The following IL4I1 variants were observed in gnomAD, a reference collection of about 807,000 sequenced individuals.
The protein encoded by IL4I1 is interleukin 4 induced 1.
A neutral mutation model predicts 29.7 loss-of-function variants in IL4I1; 24 were observed. The ratio of observed to expected loss-of-function variants is 0.81; its 90% CI spans 0.59 to 1.14. The LOEUF is 1.14. Ranked by LOEUF, IL4I1 falls within the 50% of genes most tolerant of loss-of-function variation. IL4I1 has a pLI of 0.00. For missense variants in IL4I1, 686 were observed against 785.6 expected (o/e 0.87, Z 1.52); for synonymous variants, 371 against 352.5 (o/e 1.05, Z -0.59).
At chr19:49,893,806 G>A (rs2075168761) in intron 5 of IL4I1, among the ~76,000 whole-genome samples, 2 of 151,758 alleles carry the variant, frequency 1.3e-5, no homozygotes, top group South Asian at 4.2e-4. Context: ...GGCCAAGATG[G>A]TGAAACCCCG....
At chr19:49,891,550 G>A (rs2075139487) in intron 5 of IL4I1, 77 bp from the exon 6 acceptor site, 1 of 1,312,392 alleles carries the variant, frequency 7.6e-7, no homozygotes, top group East Asian at 2.3e-5. Flanking sequence ...GCCCACACTC[G>A]GCTTCTCCTC....
chr19:49,897,214 CCTT>C (rs1458691686), upstream of IL4I1, among the ~76,000 whole-genome samples: 4 of 152,210 alleles, frequency 2.6e-5, no homozygotes, highest in African/African-American at 9.7e-5. Flanking sequence ...CTCTCTGCCT[CCTT>C]GATTCCCACG....
Position 49,909,259 on chromosome 19 carries a change from C to T in IL4I1, c.-227-4938G>A, listed in dbSNP as rs1984656. 0.013 allele frequency: 20,962 copies of T among 1,613,954 alleles called. 205 individuals carry two copies. Among genetic ancestry groups the T allele is most frequent in the African/African-American group, 0.046 (3,477 of 74,948 alleles). ...GAGTGAAGGGCAACGTGGCAGGTGC[C>T]GTGGGCTGGGCTGAATTCCCTGCTG... On this transcript the variant is annotated intron_variant, in intron 2 of 9. Coordinates refer to the IL4I1 transcript ENST00000341114.
chr19:49,897,907 C>G (rs183544882), upstream of IL4I1, among the ~76,000 whole-genome samples: 7 of 151,352 alleles, frequency 4.6e-5, no homozygotes, highest in Non-Finnish European at 7.4e-5. Flanking sequence ...CGGTTATGGC[C>G]GGGAGGGGCT....
chr19:49,912,283 C>T (rs1053582199), intron 2 of IL4I1, among the ~76,000 whole-genome samples: 11 of 151,722 alleles, frequency 7.3e-5, no homozygotes, highest in African/African-American at 2.4e-4. Context: ...GATTCTCTCG[C>T]CTCAGCTTCC....
At position 49,909,236 on chromosome 19, in the gene IL4I1, G is replaced by C. The variant is rs1385258440; in HGVS notation, c.-227-4915C>G. 1.2e-6 allele frequency: 2 copies of C among 1,614,176 alleles called. No homozygotes were observed. Among genetic ancestry groups the C allele is most frequent in the Middle Eastern group, 1.6e-4 (1 of 6,062 alleles). On this transcript the variant is annotated intron_variant, in intron 2 of 9. Coordinates refer to the IL4I1 transcript ENST00000341114. ...TGTGGTGGCTGCTGGCGTGGCCGGA[G>C]TGAAGGGCAACGTGGCAGGTGCCGT...
In IL4I1 at chr19:49,895,816, T is replaced by C; in HGVS notation, c.251A>G (p.Lys84Arg). ...AAKVLSDAGH[K>R]VTILEADNRI... Reference sequence around the variant, plus strand: ...TAGACTGCAAGCAGTGCTTCCCACCTTGTGTCCAGCATCGCTGAGCACCTT... The same window carrying C: ...TAGACTGCAAGCAGTGCTTCCCACCCTGTGTCCAGCATCGCTGAGCACCTT... The change falls in exon 3 of 8, where the codon AAG becomes AGG. Residue 84 changes from lysine (K) to arginine (R), a missense_variant and splice_region_variant. Physicochemically the swap from Lys to Arg is conservative, Grantham distance 26. Transcript: ENST00000391826. 4 of 1,499,808 alleles carry C rather than the reference T, an allele frequency of 2.7e-6. No homozygotes were observed. The highest frequency in any genetic ancestry group is 3.6e-6 in the Non-Finnish European group (4 of 1,106,548). The allele number at this position is 1,499,808 out of a possible 1,614,324, so 92.9% of individuals were successfully genotyped here.
chr19:49,923,779 C>G (rs887506792), intron 2 of IL4I1, among the ~76,000 whole-genome samples: 2 of 152,250 alleles, frequency 1.3e-5, no homozygotes, highest in African/African-American at 2.4e-5. Context: ...GAGGATGCCA[C>G]TTGCTGAGGG....
intron 2 of IL4I1, among the ~76,000 whole-genome samples, chr19:49,924,407 C>A (rs970501554): frequency 6.6e-6 from 1 of 152,160 alleles, no homozygotes; most frequent in East Asian, 1.9e-4. Context: ...CTCTGCTAAC[C>A]GGGAGCGGTT....
At chr19:49,928,481 C>G (rs1167306661) in intron 1 of IL4I1, 1 of 150,662 alleles carries the variant, frequency 6.6e-6, no homozygotes, top group East Asian at 2.0e-4. Flanking sequence ...CGCGCCACTG[C>G]ACTCCAGCCT....
intron 3 of IL4I1, among the ~76,000 whole-genome samples, chr19:49,903,060 A>C (rs767669675): frequency 6.6e-6 from 1 of 152,046 alleles, no homozygotes; most frequent in Non-Finnish European, 1.5e-5. Flanking sequence ...GATTGCAGTG[A>C]GCCGAGATCA....
chr19:49,891,357 G>A (rs1438453980), intron 6 of IL4I1, 48 bp downstream of exon 6: 7 of 1,588,542 alleles, frequency 4.4e-6, no homozygotes, highest in African/African-American at 2.7e-5. Flanking sequence ...AGGCCTCATG[G>A]TCACTCTCTT....
Position 49,891,251 on chromosome 19 carries a change from G to T in IL4I1, c.637-144C>A, listed in dbSNP as rs985006932. On this transcript the variant is annotated intron_variant, in intron 6 of 7. Coordinates refer to ENST00000391826, the MANE Select transcript of IL4I1 (RefSeq NM_152899.2). ...CACTCTCTGACAGATGAGGGAAACGGAGGTCCAGACAGGGGGCGTGTCCAG... is the reference window on the plus strand; with the variant it reads ...CACTCTCTGACAGATGAGGGAAACGTAGGTCCAGACAGGGGGCGTGTCCAG... 7 of 1,434,664 alleles carry T rather than the reference G, an allele frequency of 4.9e-6. No individual in the cohort carries two copies. In the African/African-American group the frequency reaches 9.9e-5, roughly 20 times the overall value. The allele number at this position is 1,434,664 out of a possible 1,614,324, so 88.9% of individuals were successfully genotyped here. A position where few individuals can be genotyped will look rare whatever the true frequency, so the allele number is the denominator to read the frequency against.
At chr19:49,927,095 A>C (rs1212231655) in intron 2 of IL4I1, among the ~76,000 whole-genome samples, 1 of 152,020 alleles carries the variant, frequency 6.6e-6, no homozygotes, top group Non-Finnish European at 1.5e-5. Context: ...TCCTGAGATC[A>C]AGCAATCTGC....
At chr19:49,914,652 T>G (rs1054535007) in intron 2 of IL4I1, among the ~76,000 whole-genome samples, 1 of 151,432 alleles carries the variant, frequency 6.6e-6, no homozygotes, top group Non-Finnish European at 1.5e-5. Flanking sequence ...CAGGGTTCTT[T>G]GCTGTCACCC....
intron 2 of IL4I1, among the ~76,000 whole-genome samples, chr19:49,910,784 G>A (rs2075444332): frequency 6.6e-6 from 1 of 152,196 alleles, no homozygotes; most frequent in South Asian, 2.1e-4. Flanking sequence ...TTTCCATTCA[G>A]TTCAAACTGA....
Position 49,889,796 on chromosome 19 carries a change from C to G in IL4I1, c.1578G>C (p.Gly526=). 1.3e-6 allele frequency: 2 copies of G among 1,541,698 alleles called. No individual in the cohort carries two copies. Among genetic ancestry groups the G allele is most frequent in the South Asian group, 1.2e-5 (1 of 80,558 alleles). The change falls in exon 8 of 8, where the codon GGG becomes GGC. Residue 526 remains glycine (G), a synonymous_variant. Coordinates refer to ENST00000391826, the MANE Select transcript of IL4I1 (RefSeq NM_152899.2). ...TGGCCACCCCATGCACATGCCCCTG[C>G]CCCTCCATGTCAGATGCGTGCCCCT... ...SPEGHASDME[G]QGHVHGVASS... is the part of the protein sequence containing the mutation.
chr19:49,913,031 C>T (rs1423868610), intron 2 of IL4I1: 1 of 152,348 alleles, frequency 6.6e-6, no homozygotes, highest in African/African-American at 2.4e-5. Context: ...AACCAGGGCT[C>T]AGGGCAGGCA....
intron 2 of IL4I1, among the ~76,000 whole-genome samples, chr19:49,923,116 G>C (rs1483245170): frequency 1.3e-5 from 2 of 152,124 alleles, no homozygotes; most frequent in African/African-American, 4.8e-5. Flanking sequence ...CTACTGAAGG[G>C]ACAAGGGCAG....
Sources: allele counts gnomAD v4.1 joint callset (sites outside exome capture counted in the v4.1 genomes callset), GRCh38; gene constraint gnomAD v4.1.1; transcripts MANE v1.5; gene names NCBI Gene and HGNC (gene_info 2026-07-23, HGNC 2026-07-21).